ZNF831: variants seen among roughly 807,000 people sequenced by gnomAD.
ZNF831 encodes the protein zinc finger protein 831, also known as chromosome 20 open reading frame 174.
Under a neutral mutation model 95.8 loss-of-function variants are expected in ZNF831, and 59 were observed. That is an observed-to-expected ratio of 0.62 (90% CI 0.50 to 0.77). The LOEUF is 0.77. Ranked by LOEUF, ZNF831 falls within the 30% of genes least tolerant of loss-of-function variation. ZNF831 has a pLI of 0.00. For synonymous variants in ZNF831, 961 were observed against 925.5 expected (o/e 1.04, Z -0.70); for missense variants, 2,205 against 2,164.0 (o/e 1.02, Z -0.38).
chr20:59,253,865 C>T lies in ZNF831; in HGVS notation c.4189-33C>T. 4 of 1,131,758 alleles carry T rather than the reference C, an allele frequency of 3.5e-6. 1 individual carries two copies. Among genetic ancestry groups the T allele is most frequent in the Non-Finnish European group, 4.7e-6 (4 of 843,284 alleles). The allele number at this position is 1,131,758 out of a possible 1,614,324, so 70.1% of individuals were successfully genotyped here. Reference sequence around the variant, plus strand: ...TTCTTTGTACCAATTAACCTCCCCCCCCACTTTTTTTTTCCTTTGCACTTT... The same window carrying T: ...TTCTTTGTACCAATTAACCTCCCCCTCCACTTTTTTTTTCCTTTGCACTTT... On this transcript the variant is annotated intron_variant, in intron 5 of 5. Transcript: ENST00000371030.
intron 4 of ZNF831, among the ~76,000 whole-genome samples, chr20:59,211,710 G>C (rs1459114340): frequency 6.6e-6 from 1 of 152,062 alleles, no homozygotes; most frequent in African/African-American, 2.4e-5. Context: ...CAACTTTCTC[G>C]GGTCTCCTTT....
upstream of ZNF831, among the ~76,000 whole-genome samples, chr20:59,161,398 C>T (rs1255584451): frequency 2.6e-5 from 4 of 152,118 alleles, no homozygotes; most frequent in Non-Finnish European, 5.9e-5. Context: ...CTGCCTCAGC[C>T]TCCTGAGTAC....
At chr20:59,198,825 A>C (rs1165018623) in intron 3 of ZNF831, among the ~76,000 whole-genome samples, 3 of 152,048 alleles carry the variant, frequency 2.0e-5, no homozygotes, top group Non-Finnish European at 4.4e-5. Context: ...TTCCAGCTTC[A>C]AGGCCTTTGC....
chr20:59,186,399 A>C (rs984456917), intron 1 of ZNF831, among the ~76,000 whole-genome samples: 23 of 152,218 alleles, frequency 1.5e-4, no homozygotes, highest in Non-Finnish European at 7.3e-5. Flanking sequence ...CCGGTAGTTA[A>C]TAGTTCAAAA....
chr20:59,146,262 A>G (rs1979856614), exon 2 of ZNF831: 1 of 152,062 alleles, frequency 6.6e-6, no homozygotes, highest in South Asian at 2.1e-4. Context: ...AGGCATAAAG[A>G]GAAGCAGAGG....
chr20:59,186,487 T>C (rs1983052405), intron 1 of ZNF831, among the ~76,000 whole-genome samples: 1 of 152,224 alleles, frequency 6.6e-6, no homozygotes, highest in Non-Finnish European at 1.5e-5. Context: ...TGTTTTCACA[T>C]AACTTATTTC....
intron 4 of ZNF831, among the ~76,000 whole-genome samples, chr20:59,245,122 T>A (rs984122357): frequency 1.3e-5 from 2 of 152,332 alleles, no homozygotes; most frequent in Middle Eastern, 3.4e-3. Flanking sequence ...AGCTTTGCTA[T>A]CAGAGTGGGC....
chr20:59,239,916 C>T (rs1440356348), intron 4 of ZNF831, among the ~76,000 whole-genome samples: 1 of 152,218 alleles, frequency 6.6e-6, no homozygotes, highest in Non-Finnish European at 1.5e-5. Flanking sequence ...AGTCTTACTT[C>T]TCCAGTTTTG....
chr20:59,214,981 TC>T (rs1223586683), intron 4 of ZNF831, among the ~76,000 whole-genome samples: 2 of 152,382 alleles, frequency 1.3e-5, no homozygotes, highest in East Asian at 3.8e-4. Flanking sequence ...AAATAGATTT[TC>T]CCTGTTTTTA....
At position 59,189,244 on chromosome 20, in the gene ZNF831, GT is replaced by G. The variant is rs747922972; in HGVS notation, c.-36-1736del. 2.6e-5 allele frequency among the ~76,000 whole-genome samples: 4 copies of G among 151,960 alleles called. No homozygotes were observed. In the South Asian group the frequency reaches 6.2e-4, roughly 24 times the overall value. On this transcript the variant is annotated intron_variant, in intron 1 of 5. Transcript: ENST00000371030. ...TTGCTAAATCCAAAAAAGTCATGAG[GT>G]TTTAATCCTTTGTCTTCTAAGAGTT...
At chr20:59,225,132 A>G (rs535961318) in intron 4 of ZNF831, among the ~76,000 whole-genome samples, 2 of 152,286 alleles carry the variant, frequency 1.3e-5, no homozygotes, top group Non-Finnish European at 2.9e-5. Context: ...CAATGCATGT[A>G]TATTTTTTTT....
chr20:59,149,968 G>A (rs375515703), intron 2 of ZNF831, among the ~76,000 whole-genome samples: 92 of 152,270 alleles, frequency 6.0e-4, no homozygotes, highest in African/African-American at 1.4e-3. Context: ...CCTTTGCCCC[G>A]CCATGGCCCG....
rs887515305 is a variant in ZNF831 at position 59,163,980 on chromosome 20, A to C, written c.-264A>C. Among the ~76,000 whole-genome samples the C allele has an allele frequency of 6.6e-6, 1 of 152,214 alleles. No individual in the cohort carries two copies. Among genetic ancestry groups the C allele is most frequent in the Non-Finnish European group, 1.5e-5 (1 of 68,000 alleles). ...TCAGGGAGCATCTCTCCGTTCTCTG[A>C]GATGCTGCCTGCAGAGTAGGAACTG... is the stretch of plus-strand genomic sequence containing the variant. On this transcript the variant is annotated 5_prime_UTR_variant, in exon 1 of 6. Transcript: ENST00000371030.
chr20:59,228,227 A>G (rs1600658209), intron 4 of ZNF831, among the ~76,000 whole-genome samples: 1 of 152,120 alleles, frequency 6.6e-6, no homozygotes, highest in Non-Finnish European at 1.5e-5. Context: ...ATTACTGCTC[A>G]TGGATCTCTG....
intron 4 of ZNF831, among the ~76,000 whole-genome samples, chr20:59,207,592 G>A (rs1391744233): frequency 1.3e-5 from 2 of 152,096 alleles, no homozygotes; most frequent in East Asian, 1.9e-4. Context: ...GAACTAAGTG[G>A]GGCTGCTTCC....
At chr20:59,139,554 T>C (rs1056019730) in intron 1 of ZNF831, among the ~76,000 whole-genome samples, 1 of 152,088 alleles carries the variant, frequency 6.6e-6, no homozygotes, top group Non-Finnish European at 1.5e-5. Flanking sequence ...AGTGAACACA[T>C]GTAACTAATA....
rs753757280 is a variant in ZNF831 at position 59,193,028 on chromosome 20, C to T, written c.2009C>T (p.Thr670Ile). 2 of 1,573,608 alleles carry T rather than the reference C, an allele frequency of 1.3e-6. No individual in the cohort carries two copies. The highest frequency in any genetic ancestry group is 1.4e-5 in the African/African-American group (1 of 73,920). The change falls in exon 2 of 6, where the codon ACA becomes ATA. Residue 670 changes from threonine to isoleucine, a missense_variant. Transcript: ENST00000371030. Reference protein sequence around the residue: ...LQKEAAGSSGTVPTQDRRTPV... With the variant: ...LQKEAAGSSGIVPTQDRRTPV... ...AAAGAGGCAGCAGGGAGCTCAGGCA[C>T]AGTCCCCACCCAAGACAGGAGGACC...
chr20:59,221,975 AT>A (rs977014887), intron 4 of ZNF831, among the ~76,000 whole-genome samples: 29 of 152,108 alleles, frequency 1.9e-4, no homozygotes, highest in Admixed American at 4.6e-4. Context: ...TAATTTCCTT[AT>A]TTTTTTTCCC....
At chr20:59,147,924 A>G (rs980329527) in intron 2 of ZNF831, among the ~76,000 whole-genome samples, 3 of 152,252 alleles carry the variant, frequency 2.0e-5, no homozygotes, top group Non-Finnish European at 4.4e-5. Flanking sequence ...AGGGGGGATT[A>G]CAGGCCAGAA....
Sources: allele counts gnomAD v4.1 joint callset (sites outside exome capture counted in the v4.1 genomes callset), GRCh38; gene constraint gnomAD v4.1.1; transcripts MANE v1.5; gene names NCBI Gene and HGNC (gene_info 2026-07-23, HGNC 2026-07-21).